Variants in ZNF536 observed in about 807,000 individuals in gnomAD.
ZNF536 encodes the protein zinc finger protein 536.
Under a neutral mutation model 84.5 loss-of-function variants are expected in ZNF536, and 13 were observed. The ratio of observed to expected loss-of-function variants is 0.15; its 90% CI spans 0.10 to 0.24. ZNF536 has a LOEUF of 0.24. Among genes scored for constraint, ZNF536 ranks in the 10% least tolerant of loss-of-function variants. ZNF536 has a pLI of 1.00. For missense variants in ZNF536, 1,536 were observed against 1,747.5 expected, an observed-to-expected ratio of 0.88 and a Z score of 2.16; for synonymous variants, 811 against 742.5, an observed-to-expected ratio of 1.09 and a Z score of -1.50.
intron 2 of ZNF536, among the ~76,000 whole-genome samples, chr19:30,504,460 C>A (rs575921166): frequency 7.1e-6 from 1 of 141,370 alleles, no homozygotes; most frequent in South Asian, 2.4e-4. Flanking sequence ...TCCTTTCTCC[C>A]TTCCTCCCTC....
At chr19:30,391,065 G>C (rs1410312574) in intron 1 of ZNF536, among the ~76,000 whole-genome samples, 1 of 152,218 alleles carries the variant, frequency 6.6e-6, no homozygotes, top group African/African-American at 2.4e-5. Flanking sequence ...CCTGTGATCA[G>C]AGCCAGAGGC....
intron 1 of ZNF536, among the ~76,000 whole-genome samples, chr19:30,671,192 G>C (rs1345839023): frequency 6.6e-6 from 1 of 152,224 alleles, no homozygotes; most frequent in Non-Finnish European, 1.5e-5. Flanking sequence ...ACTCAGCATG[G>C]GTGTTGCCCT....
upstream of ZNF536, among the ~76,000 whole-genome samples, chr19:30,369,739 AT>A (rs200361300): frequency 5.9e-5 from 9 of 151,662 alleles, no homozygotes; most frequent in African/African-American, 1.5e-4. Context: ...TTCTTGAGCA[AT>A]TTTTTTTTAG....
At chr19:30,339,591 T>A (rs1832359940) in intron 2 of ZNF536, among the ~76,000 whole-genome samples, 1 of 152,110 alleles carries the variant, frequency 6.6e-6, no homozygotes, top group East Asian at 1.9e-4. Flanking sequence ...CTTCCAGGGA[T>A]CTAGGATGGT....
In ZNF536 at chr19:30,395,046, A is replaced by T. The variant is rs141011390; in HGVS notation, c.-3+22490A>T. ...AGGGTTTAGTGTAATCCTTATTTGCATTAATGCATTTGTGCTTCATGTCAT... is the reference window on the plus strand; with the variant it reads ...AGGGTTTAGTGTAATCCTTATTTGCTTTAATGCATTTGTGCTTCATGTCAT... On this transcript the variant is annotated intron_variant, in intron 1 of 4. Coordinates refer to ENST00000355537, the MANE Select transcript of ZNF536 (RefSeq NM_014717.3). Among the ~76,000 whole-genome samples the T allele has an allele frequency of 2.1e-3, 316 of 152,292 alleles. 3 individuals carry two copies. Among genetic ancestry groups the T allele is most frequent in the African/African-American group, 7.4e-3 (308 of 41,564 alleles).
intron 3 of ZNF536, among the ~76,000 whole-genome samples, chr19:30,358,455 GTCT>G (rs1482931943): frequency 6.6e-6 from 1 of 152,226 alleles, no homozygotes; most frequent in Non-Finnish European, 1.5e-5. Flanking sequence ...TGGGGTTTGT[GTCT>G]TCTCCATCTC....
At chr19:30,624,915 T>C (rs557674032) in intron 1 of ZNF536, among the ~76,000 whole-genome samples, 62 of 152,296 alleles carry the variant, frequency 4.1e-4, no homozygotes, top group African/African-American at 1.5e-3. Context: ...GTTCCTCCTT[T>C]CCTCACTCTT....
chr19:30,693,045 A>T (rs66515309), intron 1 of ZNF536, among the ~76,000 whole-genome samples: 3 of 146,910 alleles, frequency 2.0e-5, no homozygotes, highest in Admixed American at 6.8e-5. Flanking sequence ...AGAGAGAGAG[A>T]GAGAGTGTGT....
intron 2 of ZNF536, among the ~76,000 whole-genome samples, chr19:30,459,729 G>A (rs1333249128): frequency 6.6e-6 from 1 of 152,130 alleles, no homozygotes; most frequent in Non-Finnish European, 1.5e-5. Flanking sequence ...GTAGCCATTT[G>A]TCTATATCCC....
At chr19:30,458,896 G>A (rs1392129429) in intron 2 of ZNF536, among the ~76,000 whole-genome samples, 1 of 152,216 alleles carries the variant, frequency 6.6e-6, no homozygotes, top group Non-Finnish European at 1.5e-5. Flanking sequence ...ATGCCATAGA[G>A]GCAGAGCCTT....
chr19:30,416,097 A>T (rs1176811962), intron 1 of ZNF536, among the ~76,000 whole-genome samples: 1 of 152,198 alleles, frequency 6.6e-6, no homozygotes, highest in Non-Finnish European at 1.5e-5. Flanking sequence ...ATGTCTATTC[A>T]GCTTTTAGAT....
chr19:30,287,382 C>A (rs940604896), intron 2 of ZNF536, among the ~76,000 whole-genome samples: 2 of 134,092 alleles, frequency 1.5e-5, no homozygotes, highest in Admixed American at 7.4e-5. Flanking sequence ...TGGATGGATG[C>A]ATAAATAAAT....
intron 1 of ZNF536, among the ~76,000 whole-genome samples, chr19:30,283,282 AGGAGTG>A (rs1162015994): frequency 6.6e-6 from 1 of 152,232 alleles, no homozygotes; most frequent in Non-Finnish European, 1.5e-5. Context: ...GCACTGGGTG[AGGAGTG>A]GGCTGGAGAT....
intron 1 of ZNF536, among the ~76,000 whole-genome samples, chr19:30,422,678 C>T (rs2051012873): frequency 6.6e-6 from 1 of 151,604 alleles, no homozygotes; most frequent in South Asian, 2.1e-4. Context: ...CATCCATCCA[C>T]ACATCTACCC....
At chr19:30,561,758 C>A (rs918913593), downstream of ZNF536, among the ~76,000 whole-genome samples, 3 of 151,876 alleles carry the variant, frequency 2.0e-5, no homozygotes, top group Non-Finnish European at 4.4e-5. Flanking sequence ...GCTGAGGGTC[C>A]CTCCAGCCCA....
intron 1 of ZNF536, among the ~76,000 whole-genome samples, chr19:30,616,202 A>C (rs768204092): frequency 1.3e-5 from 2 of 152,180 alleles, no homozygotes; most frequent in African/African-American, 2.4e-5. Flanking sequence ...AATGACTAAT[A>C]TATTTGAGAG....
At chr19:30,480,273 G>A (rs1255965107) in intron 2 of ZNF536, among the ~76,000 whole-genome samples, 1 of 152,018 alleles carries the variant, frequency 6.6e-6, no homozygotes, top group Non-Finnish European at 1.5e-5. Context: ...TTCCTTCCCC[G>A]GGACCTCTCC....
intron 2 of ZNF536, among the ~76,000 whole-genome samples, chr19:30,510,088 G>T (rs780956998): frequency 1.3e-5 from 2 of 152,166 alleles, no homozygotes; most frequent in Non-Finnish European, 2.9e-5. Flanking sequence ...GGGGCAGCCT[G>T]CATTCATATC....
intron 1 of ZNF536, among the ~76,000 whole-genome samples, chr19:30,424,613 G>A (rs1456191005): frequency 6.6e-6 from 1 of 151,490 alleles, no homozygotes; most frequent in Non-Finnish European, 1.5e-5. Flanking sequence ...AGGAGGGGAG[G>A]ATGGATGCAA....
Sources: gnomAD v4.1 joint callset for allele counts (sites outside exome capture counted in the v4.1 genomes callset) on GRCh38, gnomAD v4.1.1 for gene constraint, MANE v1.5 for transcripts, NCBI Gene and HGNC (gene_info 2026-07-23, HGNC 2026-07-21) for gene names.